Variants in COL4A1 observed in about 807,000 individuals in gnomAD.
The protein encoded by COL4A1 is collagen alpha-1(IV) chain.
Under a neutral mutation model 216.6 loss-of-function variants are expected in COL4A1, and 40 were observed. The observed-to-expected ratio is 0.18, with a 90% CI of 0.14 to 0.24. The LOEUF is 0.24. Ranked by LOEUF, COL4A1 falls within the 10% of genes least tolerant of loss-of-function variation. The probability of loss-of-function intolerance (pLI) is 1.00; values close to 1 mark genes in which losing one functional copy is unlikely to be tolerated. For synonymous variants in COL4A1, 839 were observed against 810.7 expected (o/e 1.03, Z -0.59); for missense variants, 1,628 against 2,196.8 (o/e 0.74, Z 5.18).
At chr13:110,166,571 T>G (rs1877348913) in intron 44 of COL4A1, among the ~76,000 whole-genome samples, 1 of 152,326 alleles carries the variant, frequency 6.6e-6, no homozygotes, top group African/African-American at 2.4e-5. Context: ...AATTTCCAAT[T>G]TATCTTCAAG....
At chr13:110,253,977 C>A (rs1468214475) in intron 1 of COL4A1, among the ~76,000 whole-genome samples, 2 of 151,822 alleles carry the variant, frequency 1.3e-5, no homozygotes, top group East Asian at 3.9e-4. Flanking sequence ...ATTCCTAACC[C>A]CAAAATCCAA....
At chr13:110,170,521 C>G in intron 42 of COL4A1, 26 bp downstream of exon 42, 1 of 1,578,110 alleles carries the variant, frequency 6.3e-7, no homozygotes, top group Non-Finnish European at 8.6e-7. Context: ...AGTCCTCAGC[C>G]CTGGCCCCTG....
intron 1 of COL4A1, among the ~76,000 whole-genome samples, chr13:110,297,176 GC>G (rs1306847361): frequency 6.6e-6 from 1 of 152,186 alleles, no homozygotes; most frequent in Non-Finnish European, 1.5e-5. Context: ...CCATCCTTTA[GC>G]CTGCCTTGGT....
intron 1 of COL4A1, among the ~76,000 whole-genome samples, chr13:110,301,692 G>T (rs1168063202): frequency 1.3e-5 from 2 of 152,352 alleles, no homozygotes; most frequent in East Asian, 1.9e-4. Context: ...AGTGGAATGC[G>T]TGCTAGCCGA....
At chr13:110,155,682 G>A (rs1207527230) in intron 49 of COL4A1, among the ~76,000 whole-genome samples, 2 of 152,156 alleles carry the variant, frequency 1.3e-5, no homozygotes, top group Admixed American at 6.5e-5. Flanking sequence ...AGGCCGAGGC[G>A]GGTGGATCAC....
chr13:110,228,559 AG>A (rs1880858958), intron 2 of COL4A1, among the ~76,000 whole-genome samples: 1 of 152,190 alleles, frequency 6.6e-6, no homozygotes, highest in South Asian at 2.1e-4. Flanking sequence ...TTTGAAACAC[AG>A]GGAAGACACA....
intron 1 of COL4A1, among the ~76,000 whole-genome samples, chr13:110,277,764 A>C (rs996958183): frequency 2.0e-5 from 3 of 152,164 alleles, no homozygotes; most frequent in Non-Finnish European, 4.4e-5. Flanking sequence ...CCTTGGACAT[A>C]TTTTGTCCTC....
At chr13:110,256,047 T>G (rs1460325857) in intron 1 of COL4A1, among the ~76,000 whole-genome samples, 1 of 152,114 alleles carries the variant, frequency 6.6e-6, no homozygotes, top group Non-Finnish European at 1.5e-5. Flanking sequence ...ATGTGAAGAT[T>G]TTTATTCTAC....
intron 1 of COL4A1, among the ~76,000 whole-genome samples, chr13:110,291,785 G>T (rs540421809): frequency 2.0e-5 from 3 of 152,136 alleles, no homozygotes; most frequent in African/African-American, 7.2e-5. Flanking sequence ...GATCATAATC[G>T]CCAGTTCCAC....
intron 2 of COL4A1, among the ~76,000 whole-genome samples, chr13:110,223,942 G>A (rs1364568560): frequency 6.6e-6 from 1 of 152,110 alleles, no homozygotes; most frequent in East Asian, 1.9e-4. Context: ...CCAGGGCAGG[G>A]GCTGAAATGC....
rs1555303010 is a variant in COL4A1 at position 110,176,450 on chromosome 13, C to T, written c.3032G>A (p.Gly1011Glu). 1 of 1,613,544 alleles carries T rather than the reference C, an allele frequency of 6.2e-7. No homozygotes were observed. Among genetic ancestry groups the T allele is most frequent in the Non-Finnish European group, 8.5e-7 (1 of 1,179,406 alleles). The change falls in exon 36 of 52, where the codon GGA becomes GAA. Residue 1011 changes from glycine (G) to glutamate (E), a missense_variant. This residue lies in a region of COL4A1 where 58 missense variants were observed against 132.5 expected (regional missense o/e 0.44). Transcript: ENST00000375820. ...TGGCAAGCCCATTCCACCAACAGATCCTTTTGGTCCCGGAAGTCCTGGAGC... is the reference window on the plus strand; with the variant it reads ...TGGCAAGCCCATTCCACCAACAGATTCTTTTGGTCCCGGAAGTCCTGGAGC... ...PGAPGLPGPK[G>E]SVGGMGLPGT... is the part of the protein sequence containing the mutation.
chr13:110,232,407 A>G (rs1881103910), intron 2 of COL4A1, among the ~76,000 whole-genome samples: 1 of 152,176 alleles, frequency 6.6e-6, no homozygotes, highest in African/African-American at 2.4e-5. Context: ...CACACTACCT[A>G]ATTATCTAGC....
intron 43 of COL4A1, 66 bp downstream of exon 43, chr13:110,169,563 A>C: frequency 6.2e-7 from 1 of 1,607,692 alleles, no homozygotes; most frequent in East Asian, 2.2e-5. Flanking sequence ...ACACATAGAC[A>C]CATATGAATA....
At position 110,164,735 on chromosome 13, in the gene COL4A1, C is replaced by T. The variant is rs574289677; in HGVS notation, c.4150+127G>A. 2.9e-6 allele frequency: 4 copies of T among 1,378,970 alleles called. No homozygotes were observed. In the Admixed American group the frequency reaches 8.2e-5, roughly 28 times the overall value. The allele number at this position is 1,378,970 out of a possible 1,614,324, so 85.4% of individuals were successfully genotyped here. On this transcript the variant is annotated intron_variant, in intron 46 of 51. Coordinates refer to ENST00000375820, the MANE Select transcript of COL4A1 (RefSeq NM_001845.6). ...ATATGCATTGAAGGGAGGTAAGAAACTCATATTCATATGTGTGTGTATAAT... is the reference window on the plus strand; with the variant it reads ...ATATGCATTGAAGGGAGGTAAGAAATTCATATTCATATGTGTGTGTATAAT...
At chr13:110,214,736 C>T (rs1335834279) in intron 2 of COL4A1, among the ~76,000 whole-genome samples, 3 of 152,156 alleles carry the variant, frequency 2.0e-5, no homozygotes, top group Non-Finnish European at 4.4e-5. Context: ...GGCCTTGGAC[C>T]CAGTTACACT....
intron 1 of COL4A1, among the ~76,000 whole-genome samples, chr13:110,262,299 G>A (rs967001631): frequency 2.0e-5 from 3 of 152,164 alleles, no homozygotes; most frequent in South Asian, 2.1e-4. Flanking sequence ...ACCGCCCAGG[G>A]CAGGACCCAG....
At chr13:110,172,581 TG>T in intron 41 of COL4A1, 138 bp downstream of exon 41, 1 of 823,906 alleles carries the variant, frequency 1.2e-6, no homozygotes, top group Non-Finnish European at 2.2e-6. Flanking sequence ...CATTGCCCTC[TG>T]GGCTCAGCAC....
At chr13:110,284,259 AGC>A (rs1341084146) in intron 1 of COL4A1, among the ~76,000 whole-genome samples, 1 of 152,188 alleles carries the variant, frequency 6.6e-6, no homozygotes, top group Non-Finnish European at 1.5e-5. Context: ...TCACAAGCAG[AGC>A]TAAGCTGGGA....
intron 1 of COL4A1, among the ~76,000 whole-genome samples, chr13:110,297,153 A>T (rs1884307336): frequency 6.6e-6 from 1 of 152,172 alleles, no homozygotes; most frequent in Non-Finnish European, 1.5e-5. Flanking sequence ...AGAGGTTGTG[A>T]GTGGGGCTGA....
Sources: gnomAD v4.1 joint callset for allele counts (sites outside exome capture counted in the v4.1 genomes callset) on GRCh38, gnomAD v4.1.1 for gene constraint, gnomAD v4.1.1 regional missense constraint, MANE v1.5 for transcripts, NCBI Gene and HGNC (gene_info 2026-07-23, HGNC 2026-07-21) for gene names.